The following MYO16 variants were observed in gnomAD, a reference collection of about 807,000 sequenced individuals.
The protein encoded by MYO16 is myosin XVI.
Under a neutral mutation model 205.3 loss-of-function variants are expected in MYO16, and 94 were observed. The observed-to-expected ratio is 0.46, with a 90% CI of 0.39 to 0.54. The LOEUF (loss-of-function observed/expected upper bound fraction) is 0.54. Ranked by LOEUF, MYO16 falls within the 20% of genes least tolerant of loss-of-function variation. The probability of loss-of-function intolerance (pLI) is 0.00; values close to 1 mark genes in which losing one functional copy is unlikely to be tolerated. For synonymous variants in MYO16, 988 were observed against 954.0 expected, an observed-to-expected ratio of 1.04 and a Z score of -0.66; for missense variants, 2,315 against 2,387.5, an observed-to-expected ratio of 0.97 and a Z score of 0.63.
chr13:108,554,674 C>A, the MYO16 span, among the ~76,000 whole-genome samples: 3 of 151,734 alleles, frequency 2.0e-5, no homozygotes, highest in African/African-American at 7.3e-5. Context: ...ACGGTGAAAC[C>A]CCGTCTCTGC....
intron 9 of MYO16, among the ~76,000 whole-genome samples, chr13:108,839,121 G>A (rs1877099212): frequency 6.6e-6 from 1 of 152,114 alleles, no homozygotes; most frequent in Non-Finnish European, 1.5e-5. Context: ...ACTCTGCAGA[G>A]TCCTGAGGTG....
At chr13:108,945,823 G>T (rs909163419) in intron 16 of MYO16, among the ~76,000 whole-genome samples, 1 of 152,036 alleles carries the variant, frequency 6.6e-6, no homozygotes, top group Non-Finnish European at 1.5e-5. Flanking sequence ...TTTAAAGATT[G>T]CCTGTAGAGT....
intron 1 of MYO16, among the ~76,000 whole-genome samples, chr13:108,616,949 C>T (rs971670856): frequency 6.6e-6 from 1 of 152,088 alleles, no homozygotes; most frequent in Non-Finnish European, 1.5e-5. Flanking sequence ...TCCCCAGTAT[C>T]CCCAAGATAA....
At chr13:109,159,849 A>T (rs1275277440) in intron 32 of MYO16, among the ~76,000 whole-genome samples, 1 of 152,206 alleles carries the variant, frequency 6.6e-6, no homozygotes, top group Non-Finnish European at 1.5e-5. Context: ...AAGGCGTGTA[A>T]GGGGGGCTGG....
At chr13:108,910,268 T>C in intron 16 of MYO16, 118 bp downstream of exon 16, 1 of 1,141,664 alleles carries the variant, frequency 8.8e-7, no homozygotes, top group Non-Finnish European at 1.3e-6. Context: ...AAGATAACTG[T>C]TGGATACTGT....
At chr13:109,116,163 A>G (rs1271415241) in intron 28 of MYO16, among the ~76,000 whole-genome samples, 1 of 152,172 alleles carries the variant, frequency 6.6e-6, no homozygotes, top group East Asian at 1.9e-4. Context: ...TCTGAATGTA[A>G]TAGCAGCAAG....
intron 12 of MYO16, among the ~76,000 whole-genome samples, chr13:108,871,322 T>TGTGTGTGTGTGTGTG (rs1879042455): frequency 7.6e-6 from 1 of 131,472 alleles, no homozygotes; most frequent in Non-Finnish European, 1.6e-5. Flanking sequence ...CTATGTGACT[T>TGTGTGTGTGTGTGTG]TGTGTGTGTG....
chr13:108,726,580 A>T (rs1441318474), intron 3 of MYO16, among the ~76,000 whole-genome samples: 2 of 151,798 alleles, frequency 1.3e-5, no homozygotes, highest in Non-Finnish European at 2.9e-5. Flanking sequence ...AAAGAAAAAG[A>T]AAAAGAAAAA....
intron 1 of MYO16, among the ~76,000 whole-genome samples, chr13:108,632,450 G>A (rs72664956): frequency 0.18 from 26,974 of 152,128 alleles, 2,872 homozygotes; most frequent in Non-Finnish European, 0.24. Flanking sequence ...AAGCCTTCAG[G>A]TGGGATGCTG....
At chr13:108,858,606 G>A (rs1406466168) in intron 11 of MYO16, among the ~76,000 whole-genome samples, 1 of 152,068 alleles carries the variant, frequency 6.6e-6, no homozygotes, top group Non-Finnish European at 1.5e-5. Context: ...CTGCCTCCAG[G>A]TACATATCTT....
rs1354526423 is a variant in MYO16, at chr13:109,075,737, G to T, written c.3335+20142G>T. Among the ~76,000 whole-genome samples, 6 of 152,018 alleles carry T rather than the reference G, an allele frequency of 3.9e-5. 1 individual carries two copies. In the East Asian group the frequency reaches 1.2e-3, roughly 29 times the overall value. On this transcript the variant is annotated intron_variant, in intron 27 of 34. Transcript: ENST00000457511. ...CTTCTTTAGTGAATTTTCTGTTCAG[G>T]TATGTTGCATAAATAGTATCATGTT...
At chr13:108,827,007 C>T (rs143738138) in intron 9 of MYO16, among the ~76,000 whole-genome samples, 4 of 152,204 alleles carry the variant, frequency 2.6e-5, no homozygotes, top group Admixed American at 6.6e-5. Context: ...AGGTTTACCA[C>T]GTGACCCATA....
intron 12 of MYO16, among the ~76,000 whole-genome samples, chr13:108,879,587 C>G (rs1044051436): frequency 1.3e-5 from 2 of 152,142 alleles, no homozygotes; most frequent in Non-Finnish European, 2.9e-5. Context: ...GTTCAATTCC[C>G]ACCTATGAGT....
At chr13:108,566,443 T>A in the MYO16 span, among the ~76,000 whole-genome samples, 2 of 151,990 alleles carry the variant, frequency 1.3e-5, no homozygotes, top group African/African-American at 2.4e-5. Context: ...TAATGGTTTA[T>A]CAATTTTATT....
At chr13:109,131,243 G>T (rs1876517464) in intron 31 of MYO16, among the ~76,000 whole-genome samples, 1 of 152,208 alleles carries the variant, frequency 6.6e-6, no homozygotes, top group Admixed American at 6.5e-5. Context: ...AATCAATTCA[G>T]ATGGTTACAG....
At chr13:108,721,253 A>G (rs1167516748) in intron 3 of MYO16, among the ~76,000 whole-genome samples, 2 of 152,224 alleles carry the variant, frequency 1.3e-5, no homozygotes, top group African/African-American at 4.8e-5. Flanking sequence ...ACCTTTGAGG[A>G]AGGCCTTGCT....
At chr13:109,004,657 TA>T (rs1345126152) in intron 21 of MYO16, among the ~76,000 whole-genome samples, 1 of 152,146 alleles carries the variant, frequency 6.6e-6, no homozygotes, top group East Asian at 1.9e-4. Flanking sequence ...CCCTGTAGGA[TA>T]AGATAAACAT....
chr13:109,163,926 G>C (rs1201075734), intron 32 of MYO16: 2 of 152,160 alleles, frequency 1.3e-5, no homozygotes, highest in African/African-American at 4.8e-5. Context: ...TAATTTATTA[G>C]TCTAAATCTT....
At chr13:108,908,420 G>A (rs1487261064) in intron 15 of MYO16, among the ~76,000 whole-genome samples, 1 of 152,160 alleles carries the variant, frequency 6.6e-6, no homozygotes, top group Admixed American at 6.6e-5. Flanking sequence ...TGTAAATAGT[G>A]GTTCTAGTTG....
Sources: allele counts gnomAD v4.1 joint callset (sites outside exome capture counted in the v4.1 genomes callset), GRCh38; gene constraint gnomAD v4.1.1; transcripts MANE v1.5; gene names NCBI Gene and HGNC (gene_info 2026-07-23, HGNC 2026-07-21).